SYT8: variants seen among roughly 807,000 people sequenced by gnomAD.
SYT8 encodes synaptotagmin-8.
In SYT8, 50 loss-of-function variants were observed where a neutral mutation model predicts 34.9. The ratio of observed to expected loss-of-function variants is 1.43; its 90% CI spans 1.14 to 1.81. The LOEUF (loss-of-function observed/expected upper bound fraction) is 1.81, where lower values mean the gene tolerates loss of function less well. Among genes scored for constraint, SYT8 ranks in the 40% most tolerant of loss-of-function variants. The probability of loss-of-function intolerance (pLI) is 0.00; values close to 1 mark genes in which losing one functional copy is unlikely to be tolerated. For missense variants in SYT8, 595 were observed against 529.0 expected (o/e 1.12, Z -1.22); for synonymous variants, 255 against 234.2 (o/e 1.09, Z -0.81).
At chr11:1,832,119 G>A (rs1183196383), upstream of SYT8, among the ~76,000 whole-genome samples, 2 of 152,214 alleles carry the variant, frequency 1.3e-5, no homozygotes, top group African/African-American at 4.8e-5. Flanking sequence ...GGGGGCTGGG[G>A]GCCCTAACGG....
Position 1,835,728 on chromosome 11 carries a change from C to T in SYT8, c.259-158C>T, listed in dbSNP as rs562994117. 550 of 784,572 alleles carry T rather than the reference C, an allele frequency of 7.0e-4. 4 individuals are homozygous for T. The African/African-American group carries it at 7.9e-3, about 11-fold the overall frequency. 48.6% of individuals were successfully genotyped at this position (784,572 alleles called of 1,614,324 possible). ...ATGCCACGTTTTGGGTGGGTTTGGC[C>T]GGTCTCACAGAGCGAAGCCGACGAT... is the stretch of plus-strand genomic sequence containing the variant. On this transcript the variant is annotated intron_variant, in intron 2 of 7. Coordinates refer to ENST00000341958, the MANE Select transcript of SYT8 (RefSeq NM_001394072.1).
chr11:1,835,549 G>A (rs1230237005), intron 2 of SYT8, 90 bp downstream of exon 2: 2 of 1,489,176 alleles, frequency 1.3e-6, no homozygotes, highest in Non-Finnish European at 9.2e-7. Flanking sequence ...TCAGCCCCAG[G>A]GATGGTTTAA....
chr11:1,836,114 G>T lies in SYT8; in HGVS notation c.358-12G>T. On this transcript the variant is annotated splice_polypyrimidine_tract_variant and intron_variant, in intron 3 of 7. Coordinates refer to ENST00000341958, the MANE Select transcript of SYT8 (RefSeq NM_001394072.1). ...AGGGGCCCTTGGCTGAGCCCACCCCGCTGGCTCCCAGATCAGGGTGGGCCT... is the reference window on the plus strand; with the variant it reads ...AGGGGCCCTTGGCTGAGCCCACCCCTCTGGCTCCCAGATCAGGGTGGGCCT... 6.6e-7 allele frequency: 1 copy of T among 1,506,680 alleles called. No homozygotes were observed. The highest frequency in any genetic ancestry group is 8.9e-7 in the Non-Finnish European group (1 of 1,127,808). The allele number at this position is 1,506,680 out of a possible 1,614,324, so 93.3% of individuals were successfully genotyped here. A position where few individuals can be genotyped will look rare whatever the true frequency, so the allele number is the denominator to read the frequency against.
upstream of SYT8, among the ~76,000 whole-genome samples, chr11:1,832,689 C>T (rs1051033595): frequency 4.6e-5 from 7 of 152,190 alleles, no homozygotes; most frequent in South Asian, 2.1e-4. Flanking sequence ...GGACCCCGCA[C>T]CTCCCCAGGC....
upstream of SYT8, among the ~76,000 whole-genome samples, chr11:1,832,539 G>A (rs571548775): frequency 1.3e-5 from 2 of 152,302 alleles, no homozygotes; most frequent in East Asian, 3.9e-4. Context: ...GGAGACCCGA[G>A]AGCCCCCAGC....
chr11:1,836,130 G>A lies in SYT8; in HGVS notation c.362G>A (p.Arg121Lys), dbSNP rs760365175. Residue 121 changes from arginine (R) to lysine (K), a missense_variant, in exon 4 of 8, where the codon AGG becomes AAG. Physicochemically the swap from Arg to Lys is conservative, Grantham distance 26. Coordinates refer to ENST00000341958, the MANE Select transcript of SYT8 (RefSeq NM_001394072.1). The stretch of plus-strand genomic sequence containing the variant: ...GCCCACCCCGCTGGCTCCCAGATCA[G>A]GGTGGGCCTGAGGCAGGCAGCCGAC... Reference protein sequence around the residue: ...LEFDFGSQEIRVGLRQAADLR... With the variant: ...LEFDFGSQEIKVGLRQAADLR... 1 of 1,508,522 alleles carries A rather than the reference G, an allele frequency of 6.6e-7. No individual in the cohort carries two copies. Among genetic ancestry groups the A allele is most frequent in the Non-Finnish European group, 8.9e-7 (1 of 1,128,768 alleles). The allele number at this position is 1,508,522 out of a possible 1,614,324, so 93.4% of individuals were successfully genotyped here.
rs1318697651 is a variant in SYT8, at chr11:1,835,985, G to A, written c.357+1G>A. 8 of 1,606,014 alleles carry A rather than the reference G, an allele frequency of 5.0e-6. No homozygotes were observed. The highest frequency in any genetic ancestry group is 6.8e-6 in the Non-Finnish European group (8 of 1,177,564). ...GGAGTTCGACTTTGGAAGCCAGGAG[G>A]TGAAGGGCCCCGCTGCGCAGGACCA... On this transcript the variant is annotated splice_donor_variant, in intron 3 of 7. Transcript: ENST00000341958. LOFTEE classifies it high-confidence loss of function.
rs776959375 is a variant in SYT8 at position 1,836,789 on chromosome 11, C to T, written c.718C>T (p.Arg240Trp). The change falls in exon 6 of 8, where the codon CGG (arginine) becomes TGG (tryptophan). Residue 240 changes from arginine to tryptophan, a missense_variant. Coordinates refer to ENST00000341958, the MANE Select transcript of SYT8 (RefSeq NM_001394072.1). ...EQVGELCFSLRYVPSSGRLTV... is the reference protein window; with the variant it reads ...EQVGELCFSLWYVPSSGRLTV... ...GGTCGGGGAGCTGTGCTTCTCTCTC[C>T]GGTACGTGCCCAGCTCAGGCCGGCT... The T allele has an allele frequency of 1.1e-5, 18 of 1,610,632 alleles. No individual in the cohort carries two copies. The highest frequency in any genetic ancestry group is 5.0e-5 in the Admixed American group (3 of 60,000).
rs1457159636 is a variant in SYT8 at position 1,836,273 on chromosome 11, T to A, written c.505T>A (p.Cys169Ser). ...GTLCPVFDETCCFHIPQAELP... is the reference protein window; with the variant it reads ...GTLCPVFDETSCFHIPQAELP... ...GCTCTGCCCCGTGTTTGACGAGACC[T>A]GCTGCTTCCACGTGAGTCAGGGATG... Residue 169 changes from cysteine (C) to serine (S), a missense_variant, in exon 4 of 8, where the codon TGC becomes AGC. By Grantham distance (112) the Cys-to-Ser change is moderately radical (BLOSUM62 -1). Transcript: ENST00000341958. 2.6e-6 allele frequency: 4 copies of A among 1,556,870 alleles called. No individual in the cohort carries two copies. The highest frequency in any genetic ancestry group is 3.5e-6 in the Non-Finnish European group (4 of 1,153,740).
chr11:1,835,895 G>C lies in SYT8; in HGVS notation c.268G>C (p.Asp90His), dbSNP rs1846886336. 1.2e-6 allele frequency: 2 copies of C among 1,612,080 alleles called. No homozygotes were observed. The highest frequency in any genetic ancestry group is 1.3e-5 in the African/African-American group (1 of 74,890). Residue 90 changes from aspartate (D) to histidine (H), a missense_variant, in exon 3 of 8, where the codon GAT (aspartate) becomes CAT (histidine). Coordinates refer to ENST00000341958, the MANE Select transcript of SYT8 (RefSeq NM_001394072.1). ...GTTTTHLVQPDVDGLESSPGD... is the reference protein window; with the variant it reads ...GTTTTHLVQPHVDGLESSPGD... ...TCCCAACTCACTCCAGGTGCAACCT[G>C]ATGTGGATGGCCTGGAGTCCAGCCC...
chr11:1,834,352 T>G (rs1589786192), upstream of SYT8: 1 of 562,712 alleles, frequency 1.8e-6, no homozygotes, highest in Non-Finnish European at 3.1e-6. This position sits in a 1 kb window ranked among gnomAD's most constrained non-coding sequence, Gnocchi z 4.5. Flanking sequence ...AGCGGCTGAG[T>G]CAGTGTGTGT....
In SYT8 at chr11:1,837,329, G is replaced by A. The variant is rs1380086207; in HGVS notation, c.1062G>A (p.Arg354=). The A allele has an allele frequency of 1.3e-6, 2 of 1,591,630 alleles. No individual in the cohort carries two copies. The highest frequency in any genetic ancestry group is 1.7e-5 in the Admixed American group (1 of 59,304). The change falls in exon 8 of 8, where the codon CGG becomes CGA. Residue 354 remains arginine (R), a synonymous_variant. Coordinates refer to ENST00000341958, the MANE Select transcript of SYT8 (RefSeq NM_001394072.1). ...HWADMLAHAR[R]PIAQRHPLRP... ...CAGACATGCTGGCCCACGCCCGGCG[G>A]CCCATTGCCCAGCGGCACCCCCTGC...
chr11:1,836,795 G>A lies in SYT8; in HGVS notation c.724G>A (p.Val242Met), dbSNP rs762887819. ...VGELCFSLRY[V>M]PSSGRLTVVV... Reference sequence around the variant, plus strand: ...GGAGCTGTGCTTCTCTCTCCGGTACGTGCCCAGCTCAGGCCGGCTGACCGT... The same window carrying A: ...GGAGCTGTGCTTCTCTCTCCGGTACATGCCCAGCTCAGGCCGGCTGACCGT... The change falls in exon 6 of 8, where the codon GTG (valine) becomes ATG (methionine). Residue 242 changes from valine (V) to methionine (M), a missense_variant. Val to Met is a conservative substitution (Grantham distance 21, BLOSUM62 1). Transcript: ENST00000341958. The A allele has an allele frequency of 3.7e-6, 6 of 1,610,944 alleles. No homozygotes were observed. Among genetic ancestry groups the A allele is most frequent in the Middle Eastern group, 1.7e-4 (1 of 6,060 alleles).
At chr11:1,834,686 A>G, upstream of SYT8, 2 of 1,440,598 alleles carry the variant, frequency 1.4e-6, no homozygotes, top group East Asian at 2.5e-5. The surrounding 1 kb of genome is among the most constrained non-coding windows in gnomAD (Gnocchi z 4.5). Flanking sequence ...ATGAGATGGG[A>G]CCCCCAGGCA....
intron 2 of SYT8, 147 bp downstream of exon 2, chr11:1,835,606 G>A (rs1846869758): frequency 2.1e-6 from 2 of 939,866 alleles, no homozygotes; most frequent in South Asian, 3.0e-5. Flanking sequence ...AGGGAAAGTG[G>A]GTGAACAGAG....
Position 1,837,174 on chromosome 11 carries a change from T to C in SYT8, c.925-18T>C. 6.3e-7 allele frequency: 1 copy of C among 1,585,218 alleles called. No homozygotes were observed. The highest frequency in any genetic ancestry group is 2.2e-5 in the East Asian group (1 of 44,614). On this transcript the variant is annotated intron_variant, in intron 7 of 7. Transcript: ENST00000341958. ...GTCTTTCTCCCCCAACTCCAACCTC[T>C]GGCCTGTCTCTGCACAGAATGTGGA... is the stretch of plus-strand genomic sequence containing the variant.
chr11:1,835,089 A>G lies in SYT8; in HGVS notation c.-17A>G, dbSNP rs1362285944. On this transcript the variant is annotated 5_prime_UTR_variant, in exon 1 of 8. Coordinates refer to ENST00000341958, the MANE Select transcript of SYT8 (RefSeq NM_001394072.1). ...CAGCCTCCTGGGCCGCTTCTTCCAA[A>G]CCAGCAGGGTAGAAAGATGGGGCAC... The G allele has an allele frequency of 8.1e-6, 13 of 1,612,510 alleles. No individual in the cohort carries two copies. Among genetic ancestry groups the G allele is most frequent in the African/African-American group, 1.3e-5 (1 of 75,006 alleles).
At position 1,836,000 on chromosome 11, in the gene SYT8, G is replaced by A. The variant is rs746098376; in HGVS notation, c.357+16G>A. On this transcript the variant is annotated intron_variant, in intron 3 of 7. Transcript: ENST00000341958. ...AAGCCAGGAGGTGAAGGGCCCCGCT[G>A]CGCAGGACCAGCGGTTCTGCGAGTT... 2 of 1,602,002 alleles carry A rather than the reference G, an allele frequency of 1.2e-6. No homozygotes were observed. The highest frequency in any genetic ancestry group is 1.1e-5 in the South Asian group (1 of 90,030).
At position 1,836,412 on chromosome 11, in the gene SYT8, G is replaced by C; in HGVS notation, c.517-13G>C. The C allele has an allele frequency of 6.5e-7, 1 of 1,532,652 alleles. No individual in the cohort carries two copies. The highest frequency in any genetic ancestry group is 8.8e-7 in the Non-Finnish European group (1 of 1,139,848). The allele number at this position is 1,532,652 out of a possible 1,614,324, so 94.9% of individuals were successfully genotyped here. On this transcript the variant is annotated splice_polypyrimidine_tract_variant and intron_variant, in intron 4 of 7. Coordinates refer to ENST00000341958, the MANE Select transcript of SYT8 (RefSeq NM_001394072.1). Reference sequence around the variant, plus strand: ...GCTAGGGCAGCAGGGCCTGGCTCACGCCGCTGCCTCAGATCCCGCAGGCGG... The same window carrying C: ...GCTAGGGCAGCAGGGCCTGGCTCACCCCGCTGCCTCAGATCCCGCAGGCGG...
Sources: gnomAD v4.1 joint callset for allele counts (sites outside exome capture counted in the v4.1 genomes callset) on GRCh38, gnomAD v4.1.1 for gene constraint, Gnocchi (gnomAD v3.1) non-coding constraint, MANE v1.5 for transcripts, NCBI Gene and HGNC (gene_info 2026-07-23, HGNC 2026-07-21) for gene names.